CMTM4: variants seen among roughly 807,000 people sequenced by gnomAD.
The protein encoded by CMTM4 is CKLF like MARVEL transmembrane domain containing 4.
CMTM4 carries 8 observed loss-of-function variants against 19.0 expected under a neutral mutation model. The ratio of observed to expected loss-of-function variants is 0.42; its 90% CI spans 0.25 to 0.76. The LOEUF (loss-of-function observed/expected upper bound fraction) is 0.76, where lower values mean the gene tolerates loss of function less well. Among genes scored for constraint, CMTM4 ranks in the 30% least tolerant of loss-of-function variants. CMTM4 has a pLI of 0.27. For synonymous variants in CMTM4, 106 were observed against 121.1 expected, an observed-to-expected ratio of 0.88 and a Z score of 0.82; for missense variants, 228 against 290.2, an observed-to-expected ratio of 0.79 and a Z score of 1.56.
intron 2 of CMTM4, among the ~76,000 whole-genome samples, chr16:66,633,907 A>G (rs2015933520): frequency 6.6e-6 from 1 of 152,166 alleles, no homozygotes; most frequent in South Asian, 2.1e-4. Context: ...ATCTGCTCCA[A>G]AAGAGTGGAA....
At chr16:66,668,893 A>G (rs527661305) in intron 1 of CMTM4, among the ~76,000 whole-genome samples, 4 of 152,350 alleles carry the variant, frequency 2.6e-5, no homozygotes, top group African/African-American at 9.6e-5. Flanking sequence ...GCTGGGAAGA[A>G]TACAAAATGG....
intron 1 of CMTM4, among the ~76,000 whole-genome samples, chr16:66,691,891 A>G (rs928064524): frequency 3.9e-5 from 6 of 152,230 alleles, no homozygotes; most frequent in Non-Finnish European, 7.3e-5. Context: ...GTTTCTTTAG[A>G]GACAGGCATT....
intron 1 of CMTM4, among the ~76,000 whole-genome samples, chr16:66,664,251 A>AT (rs1437649818): frequency 2.0e-5 from 3 of 151,828 alleles, no homozygotes; most frequent in Admixed American, 1.3e-4. Context: ...AAAAAAAAAA[A>AT]TTTCAGATAA....
chr16:66,692,326 G>A (rs2017150365), intron 1 of CMTM4, among the ~76,000 whole-genome samples: 1 of 152,134 alleles, frequency 6.6e-6, no homozygotes, highest in African/African-American at 2.4e-5. Flanking sequence ...CTGACCTCAA[G>A]TGATCCAGCC....
At chr16:66,602,163 G>A in the CMTM4 span, among the ~76,000 whole-genome samples, 1 of 152,250 alleles carries the variant, frequency 6.6e-6, no homozygotes, top group African/African-American at 2.4e-5. Flanking sequence ...TTGGGAGGCC[G>A]AGGCGGGAAG....
At chr16:66,640,715 C>T (rs1030676117) in intron 1 of CMTM4, among the ~76,000 whole-genome samples, 4 of 152,182 alleles carry the variant, frequency 2.6e-5, no homozygotes, top group African/African-American at 9.7e-5. Flanking sequence ...AATGACTTCA[C>T]AGGTGTGTGA....
intron 1 of CMTM4, among the ~76,000 whole-genome samples, chr16:66,684,906 T>C (rs2017005328): frequency 6.6e-6 from 1 of 152,126 alleles, no homozygotes; most frequent in Non-Finnish European, 1.5e-5. Flanking sequence ...TCTCCACCTC[T>C]CCCAGTCTAT....
chr16:66,659,739 G>A (rs1056822899), intron 1 of CMTM4, among the ~76,000 whole-genome samples: 2 of 152,182 alleles, frequency 1.3e-5, no homozygotes, highest in Non-Finnish European at 2.9e-5. Context: ...TAGTTGAAAT[G>A]CTATGATATT....
intron 1 of CMTM4, among the ~76,000 whole-genome samples, chr16:66,680,343 G>T (rs1567430552): frequency 6.6e-6 from 1 of 151,894 alleles, no homozygotes; most frequent in African/African-American, 2.4e-5. Flanking sequence ...GCCAGGTGTG[G>T]TGGTGGGTGC....
chr16:66,608,777 A>G, the CMTM4 span, among the ~76,000 whole-genome samples: 1 of 152,216 alleles, frequency 6.6e-6, no homozygotes, highest in Non-Finnish European at 1.5e-5. The surrounding 1 kb of genome is among the most constrained non-coding windows in gnomAD (Gnocchi z 5.1). Flanking sequence ...CAGGAATTCA[A>G]GCCATTTCCA....
intron 2 of CMTM4, among the ~76,000 whole-genome samples, chr16:66,628,888 GTTA>G (rs2144794161): frequency 6.6e-6 from 1 of 152,074 alleles, no homozygotes; most frequent in Non-Finnish European, 1.5e-5. Flanking sequence ...CTACTTTTTG[GTTA>G]TTATAGATAA....
In CMTM4 at chr16:66,633,106, T is replaced by TATATATATAAATATATATATATAA. The variant is rs1555499096; in HGVS notation, c.363+3298_363+3299insTTATATATATATATTTATATATAT. On this transcript the variant is annotated intron_variant, in intron 2 of 3. Coordinates refer to ENST00000394106, the MANE Select transcript of CMTM4 (RefSeq NM_181521.3). ...GTTTCAAAATATATATATATAAATA[T>TATATATATAAATATATATATATAA]ATATATATATAAATATATATATATA... Among the ~76,000 whole-genome samples, 11 of 129,670 alleles carry TATATATATAAATATATATATATAA rather than the reference T, an allele frequency of 8.5e-5. 1 individual carries two copies. Among genetic ancestry groups the TATATATATAAATATATATATATAA allele is most frequent in the African/African-American group, 1.9e-4 (6 of 31,572 alleles). The allele number at this position is 129,670 out of a possible 152,430, so 85.1% of individuals were successfully genotyped here.
chr16:66,680,924 A>G (rs1341181183), intron 1 of CMTM4, among the ~76,000 whole-genome samples: 1 of 152,164 alleles, frequency 6.6e-6, no homozygotes, highest in Non-Finnish European at 1.5e-5. Context: ...GTCTCTGACC[A>G]GGTCCTGCTG....
In CMTM4 at chr16:66,619,507, T is replaced by C; in HGVS notation, c.*2551A>G. 1 of 985,456 alleles carries C rather than the reference T, an allele frequency of 1.0e-6. No individual in the cohort carries two copies. Among genetic ancestry groups the C allele is most frequent in the Non-Finnish European group, 1.2e-6 (1 of 829,942 alleles). The allele number at this position is 985,456 out of a possible 1,614,324, so 61.0% of individuals were successfully genotyped here. On this transcript the variant is annotated 3_prime_UTR_variant, in exon 4 of 4. Transcript: ENST00000394106. ...AACTGATATTGGTCCCTATTGAAAC[T>C]ATTAAACGCAAAAACGCTTCCTTCA...
At chr16:66,637,117 C>T (rs72790461) in intron 1 of CMTM4, among the ~76,000 whole-genome samples, 6,598 of 152,248 alleles carry the variant, frequency 0.043, 261 homozygotes, top group East Asian at 0.16. Flanking sequence ...GGTATAATCT[C>T]CTTTTCCCCC....
intron 2 of CMTM4, among the ~76,000 whole-genome samples, chr16:66,627,505 G>A (rs1051595299): frequency 2.6e-5 from 4 of 152,196 alleles, no homozygotes; most frequent in Non-Finnish European, 1.5e-5. Flanking sequence ...CAATCACAAT[G>A]TAATTTTAGA....
chr16:66,604,470 TA>T, the CMTM4 span: 2 of 207,228 alleles, frequency 9.7e-6, no homozygotes, highest in African/African-American at 4.6e-5. Flanking sequence ...CCCTTCTGGA[TA>T]GGGGCAGACG....
rs192135166 is a variant in CMTM4 at position 66,614,846 on chromosome 16, C to T, written c.*7212G>A. On this transcript the variant is annotated 3_prime_UTR_variant, in exon 4 of 4. Coordinates refer to ENST00000394106, the MANE Select transcript of CMTM4 (RefSeq NM_181521.3). The surrounding 1 kb of genome is among the most constrained non-coding windows in gnomAD (Gnocchi z 4.9). Reference sequence around the variant, plus strand: ...TGAGAAAATTATTTCCCTCTACATACAAAAATACAGATTTGAACACTATGA... The same window carrying T: ...TGAGAAAATTATTTCCCTCTACATATAAAAATACAGATTTGAACACTATGA... 1 of 152,182 alleles carries T rather than the reference C, an allele frequency of 6.6e-6. No individual in the cohort carries two copies. The highest frequency in any genetic ancestry group is 1.5e-5 in the Non-Finnish European group (1 of 68,032). The allele number at this position is 152,182 out of a possible 1,614,324, so 9.4% of individuals were successfully genotyped here.
At position 66,658,740 on chromosome 16, in the gene CMTM4, C is replaced by G. The variant is rs957920729; in HGVS notation, c.187-22159G>C. Among the ~76,000 whole-genome samples the G allele has an allele frequency of 4.6e-5, 7 of 152,262 alleles. No individual in the cohort carries two copies. In the South Asian group the frequency reaches 8.3e-4, roughly 18 times the overall value. ...CTAGGTGCCAGTACTCCTCCCACCC[C>G]CAAGTGGAGAAAGCCAAAAATGTCT... On this transcript the variant is annotated intron_variant, in intron 1 of 3. Transcript: ENST00000394106.
Sources: allele counts gnomAD v4.1 joint callset (sites outside exome capture counted in the v4.1 genomes callset), GRCh38; gene constraint gnomAD v4.1.1; non-coding constraint Gnocchi (gnomAD v3.1); transcripts MANE v1.5; gene names NCBI Gene and HGNC (gene_info 2026-07-23, HGNC 2026-07-21).